Variants in KCNH8 observed in about 807,000 individuals in gnomAD.
KCNH8 encodes voltage-gated delayed rectifier potassium channel KCNH8.
KCNH8 carries 70 observed loss-of-function variants against 103.6 expected under a neutral mutation model. The observed-to-expected ratio is 0.68, with a 90% CI of 0.56 to 0.82. The LOEUF is 0.82. Among genes scored for constraint, KCNH8 ranks in the 40% least tolerant of loss-of-function variants. KCNH8 has a pLI of 0.00. For synonymous variants in KCNH8, 498 were observed against 489.4 expected (o/e 1.02, Z -0.23); for missense variants, 1,217 against 1,329.9 (o/e 0.92, Z 1.32).
chr3:19,373,738 G>A (rs1445806551), intron 5 of KCNH8, among the ~76,000 whole-genome samples: 1 of 151,156 alleles, frequency 6.6e-6, no homozygotes, highest in Non-Finnish European at 1.5e-5. Flanking sequence ...TTTCTCTTGT[G>A]GGCATTTAGT....
chr3:19,358,694 A>C (rs1327812861), intron 5 of KCNH8, among the ~76,000 whole-genome samples: 1 of 151,982 alleles, frequency 6.6e-6, no homozygotes. Context: ...TTTTAAATAC[A>C]TAGAAACCAA....
chr3:19,191,875 G>A (rs1230914550), intron 1 of KCNH8, among the ~76,000 whole-genome samples: 1 of 151,318 alleles, frequency 6.6e-6, no homozygotes, highest in African/African-American at 2.4e-5. Flanking sequence ...ATAATTTTTT[G>A]TTTTTTGTTT....
At chr3:19,311,219 C>T (rs2065203588) in intron 3 of KCNH8, among the ~76,000 whole-genome samples, 1 of 151,620 alleles carries the variant, frequency 6.6e-6, no homozygotes, top group African/African-American at 2.4e-5. Flanking sequence ...GAGTAGTTAC[C>T]ATGAGTCAGG....
intron 5 of KCNH8, among the ~76,000 whole-genome samples, chr3:19,364,197 T>C (rs2065981088): frequency 6.6e-6 from 1 of 151,932 alleles, no homozygotes. Context: ...GCAATGGAGG[T>C]CCGTATACCC....
intron 5 of KCNH8, among the ~76,000 whole-genome samples, chr3:19,349,772 C>A (rs12107127): frequency 0.094 from 14,288 of 152,018 alleles, 807 homozygotes; most frequent in East Asian, 0.18. Context: ...TCTACTAAAC[C>A]AATGGAGACT....
At chr3:19,294,962 T>C (rs898741628) in intron 3 of KCNH8, among the ~76,000 whole-genome samples, 3 of 152,216 alleles carry the variant, frequency 2.0e-5, no homozygotes, top group African/African-American at 7.2e-5. Context: ...ATTAGCCTTA[T>C]TTTTTATACA....
At chr3:19,532,134 TGTG>T (rs2069172652) in intron 15 of KCNH8, among the ~76,000 whole-genome samples, 2 of 152,178 alleles carry the variant, frequency 1.3e-5, no homozygotes, top group South Asian at 2.1e-4. Context: ...AAAATGCTGA[TGTG>T]GTCGTTACGA....
intron 1 of KCNH8, among the ~76,000 whole-genome samples, chr3:19,173,798 T>A (rs1166072095): frequency 6.6e-6 from 1 of 152,134 alleles, no homozygotes; most frequent in African/African-American, 2.4e-5. Flanking sequence ...CTCTTGATTA[T>A]TGCATATTCT....
intron 15 of KCNH8, among the ~76,000 whole-genome samples, chr3:19,526,224 T>A (rs2069061524): frequency 6.6e-6 from 1 of 151,764 alleles, no homozygotes; most frequent in Admixed American, 6.6e-5. Flanking sequence ...GAGTGACAGG[T>A]CAAGAACTCT....
chr3:19,176,904 C>A (rs540651982), intron 1 of KCNH8, among the ~76,000 whole-genome samples: 3 of 152,204 alleles, frequency 2.0e-5, no homozygotes, highest in South Asian at 2.1e-4. Context: ...GTCAAACAAT[C>A]AATACATAAC....
chr3:19,451,409 G>A lies in KCNH8; in HGVS notation c.1825+5G>A. 6.2e-7 allele frequency: 1 copy of A among 1,610,230 alleles called. No individual in the cohort carries two copies. The highest frequency in any genetic ancestry group is 8.5e-7 in the Non-Finnish European group (1 of 1,177,868). ...GCATGGTGCTGGCTATTCTTGGTAG[G>A]TCTGAATTGAAAAACTTGTATGAAA... On this transcript the variant is annotated splice_donor_5th_base_variant and intron_variant, in intron 10 of 15. Transcript: ENST00000328405.
intron 7 of KCNH8, among the ~76,000 whole-genome samples, chr3:19,405,353 T>C (rs971325425): frequency 5.3e-5 from 8 of 151,894 alleles, no homozygotes; most frequent in Non-Finnish European, 1.0e-4. Flanking sequence ...TTTATAGAAA[T>C]ATCAAATAAT....
At chr3:19,348,076 A>T (rs2065751855) in intron 5 of KCNH8, 111 bp downstream of exon 5, 1 of 1,347,672 alleles carries the variant, frequency 7.4e-7, no homozygotes, top group South Asian at 1.4e-5. Flanking sequence ...GGCTTGATTC[A>T]GCCTCTGTTG....
intron 15 of KCNH8, among the ~76,000 whole-genome samples, chr3:19,518,319 G>A (rs1344043499): frequency 6.6e-6 from 1 of 152,020 alleles, no homozygotes; most frequent in African/African-American, 2.4e-5. Context: ...GGCCCCTTGT[G>A]AAATTAAATA....
chr3:19,475,971 A>G (rs1442424206), intron 11 of KCNH8, among the ~76,000 whole-genome samples: 1 of 152,188 alleles, frequency 6.6e-6, no homozygotes, highest in Non-Finnish European at 1.5e-5. Context: ...ATACTGTAGT[A>G]TAAGAAGATT....
At chr3:19,268,026 T>A (rs1264139833) in intron 2 of KCNH8, among the ~76,000 whole-genome samples, 1 of 152,162 alleles carries the variant, frequency 6.6e-6, no homozygotes, top group Non-Finnish European at 1.5e-5. Context: ...AAGTTTGAAT[T>A]CATCTTACAA....
At chr3:19,210,445 C>T (rs2063758971) in intron 1 of KCNH8, among the ~76,000 whole-genome samples, 1 of 152,064 alleles carries the variant, frequency 6.6e-6, no homozygotes, top group African/African-American at 2.4e-5. Context: ...ACCCCTACCA[C>T]CAGGGTGAAT....
At chr3:19,253,955 G>C in intron 2 of KCNH8, 68 bp downstream of exon 2, 1 of 1,063,310 alleles carries the variant, frequency 9.4e-7, no homozygotes, top group Non-Finnish European at 1.4e-6. Context: ...CCTAGTAATT[G>C]CTCCGCAACT....
Position 19,342,616 on chromosome 3 carries a change from A to T in KCNH8, c.472A>T (p.Thr158Ser). ...DKVKGRSRAGTHFDSARRRSR... is the reference protein window; with the variant it reads ...DKVKGRSRAGSHFDSARRRSR... ...AGTCAAAGGAAGATCAAGAGCAGGG[A>T]CCCACTTTGACTCAGCCCGGAGACG... Residue 158 changes from threonine to serine, a missense_variant, in exon 4 of 16, where the codon ACC (threonine) becomes TCC (serine). Physicochemically the swap from Thr to Ser is moderately conservative, Grantham distance 58 (BLOSUM62 1). Transcript: ENST00000328405. The T allele has an allele frequency of 6.2e-7, 1 of 1,610,826 alleles. No individual in the cohort carries two copies.
Sources: gnomAD v4.1 joint callset for allele counts (sites outside exome capture counted in the v4.1 genomes callset) on GRCh38, gnomAD v4.1.1 for gene constraint, MANE v1.5 for transcripts, NCBI Gene and HGNC (gene_info 2026-07-23, HGNC 2026-07-21) for gene names.